TJP2: variants seen among roughly 807,000 people sequenced by gnomAD.
TJP2 encodes Friedreich ataxia region gene X104 (tight junction protein ZO-2).
In TJP2, 91 loss-of-function variants were observed where a neutral mutation model predicts 133.1. That is an observed-to-expected ratio of 0.68 (90% CI 0.58 to 0.81). TJP2 has a LOEUF of 0.81. Ranked by LOEUF, TJP2 falls within the 40% of genes least tolerant of loss-of-function variation. TJP2 has a pLI of 0.00. For synonymous variants in TJP2, 592 were observed against 583.4 expected (o/e 1.01, Z -0.21); for missense variants, 1,541 against 1,565.6 (o/e 0.98, Z 0.26).
intron 1 of TJP2, among the ~76,000 whole-genome samples, chr9:69,134,947 GGA>G (rs148798484): frequency 0.019 from 2,845 of 148,320 alleles, 94 homozygotes; most frequent in African/African-American, 0.066. Context: ...AGAGAGAAGA[GGA>G]GAGAGAGAGA....
intron 17 of TJP2, among the ~76,000 whole-genome samples, chr9:69,244,405 G>A (rs1180999087): frequency 1.3e-5 from 2 of 152,022 alleles, no homozygotes. Flanking sequence ...AAACCTCCTT[G>A]GCTGGGGAGG....
At chr9:69,204,738 T>G in intron 1 of TJP2, 1 of 656,114 alleles carries the variant, frequency 1.5e-6, no homozygotes, top group Non-Finnish European at 1.9e-6. Context: ...CTAGCTGGCG[T>G]GTGTGTGTGT....
At chr9:69,133,078 C>CA (rs1447255131) in intron 1 of TJP2, among the ~76,000 whole-genome samples, 2 of 152,216 alleles carry the variant, frequency 1.3e-5, no homozygotes, top group African/African-American at 4.8e-5. Context: ...CCTCCTACCT[C>CA]AGCCTCCCAA....
chr9:69,121,421 C>A, upstream of TJP2: 1 of 870,788 alleles, frequency 1.1e-6, no homozygotes, highest in Non-Finnish European at 1.4e-6. Context: ...TGGCTCGCCA[C>A]CGCCCAACTC....
chr9:69,248,456 A>T, intron 19 of TJP2: 22 of 1,378,758 alleles, frequency 1.6e-5, no homozygotes, highest in Non-Finnish European at 2.0e-5. Context: ...CCGCACACCC[A>T]TGCCCTCAGG....
chr9:69,174,396 GT>G lies in TJP2; in HGVS notation c.27del (p.Pro10HisfsTer18), dbSNP rs1294085720. The G allele has an allele frequency of 6.4e-7, 1 of 1,552,014 alleles. No individual in the cohort carries two copies. The highest frequency in any genetic ancestry group is 8.7e-7 in the Non-Finnish European group (1 of 1,147,184). ...AAATGCCGGTGCGAGGAGACCGCGG[GT>G]TTCCACCCCGGCGGGAGCTGTCAGG... Reference protein sequence around the residue: MPVRGDRGFPPRRELSGWL... With the variant: MPVRGDRGXPPRRELSGWL... On this transcript the variant is annotated frameshift_variant, in exon 1 of 23. Coordinates refer to ENST00000377245, the MANE Select transcript of TJP2 (RefSeq NM_004817.4). LOFTEE classifies it high-confidence loss of function.
chr9:69,248,428 G>T, intron 19 of TJP2: 1 of 1,426,186 alleles, frequency 7.0e-7, no homozygotes, highest in Non-Finnish European at 9.2e-7. Context: ...CTTCAGAAGA[G>T]CTTGAGGGGT....
intron 2 of TJP2, among the ~76,000 whole-genome samples, chr9:69,213,396 GT>G (rs1828095620): frequency 6.6e-6 from 1 of 152,038 alleles, no homozygotes; most frequent in Non-Finnish European, 1.5e-5. Context: ...CTGCCTTCCG[GT>G]CATCATCACT....
In TJP2 at chr9:69,123,348, C is replaced by G. The variant is rs1587862321; in HGVS notation, c.-131+1623C>G. Reference sequence around the variant, plus strand: ...GTATTTTAGCCGTTTAAAAATGGACCCTTAATTCAATATTGTGCCACCATC... The same window carrying G: ...GTATTTTAGCCGTTTAAAAATGGACGCTTAATTCAATATTGTGCCACCATC... On this transcript the variant is annotated intron_variant, in intron 1 of 5. Transcript: ENST00000423935. Among the ~76,000 whole-genome samples the G allele has an allele frequency of 9.2e-5, 7 of 75,744 alleles. 3 individuals carry two copies. The South Asian group carries it at 1.8e-3, about 20-fold the overall frequency. 49.7% of individuals were successfully genotyped at this position (75,744 alleles called of 152,430 possible).
In TJP2 at chr9:69,152,817, C is replaced by CTTTTTTTTTTT. The variant is rs10543289; in HGVS notation, c.-10+1067_-10+1077dup. Among the ~76,000 whole-genome samples the CTTTTTTTTTTT allele has an allele frequency of 6.5e-4, 31 of 48,030 alleles. 7 individuals carry two copies. Among genetic ancestry groups the CTTTTTTTTTTT allele is most frequent in the East Asian group, 1.7e-3 (2 of 1,200 alleles). The allele number at this position is 48,030 out of a possible 152,430, so 31.5% of individuals were successfully genotyped here. ...TTACTGAAATGTTCTCTCTGGAGCTCTTTTTTTTTTTTTTTTTTTTTTTTT... is the reference window on the plus strand; with the variant it reads ...TTACTGAAATGTTCTCTCTGGAGCTCTTTTTTTTTTTTTTTTTTTTTTTTTTTTTTTTTTTT... On this transcript the variant is annotated intron_variant, in intron 2 of 5. Coordinates refer to the TJP2 transcript ENST00000423935.
chr9:69,148,640 G>C (rs1055060363), intron 1 of TJP2, among the ~76,000 whole-genome samples: 3 of 151,870 alleles, frequency 2.0e-5, no homozygotes, highest in African/African-American at 7.3e-5. Flanking sequence ...AAAGTGCTGG[G>C]ATTATAGGCA....
chr9:69,148,373 CT>C (rs780212434), intron 1 of TJP2, among the ~76,000 whole-genome samples: 441 of 130,894 alleles, frequency 3.4e-3, no homozygotes, highest in African/African-American at 7.3e-3. Flanking sequence ...CTCTGTAATA[CT>C]TTTTTTTTTT....
intron 16 of TJP2, among the ~76,000 whole-genome samples, 157 bp from the exon 17 acceptor site, chr9:69,239,780 C>T (rs1830457943): frequency 6.6e-6 from 1 of 152,116 alleles, no homozygotes; most frequent in Non-Finnish European, 1.5e-5. Flanking sequence ...TGCCACTGCA[C>T]TCCAGCCTGG....
intron 22 of TJP2, 131 bp downstream of exon 22, chr9:69,253,031 T>A: frequency 1.3e-6 from 1 of 777,446 alleles, no homozygotes; most frequent in Non-Finnish European, 2.1e-6. Flanking sequence ...ACTGTTTGCC[T>A]TACTCATTCC....
chr9:69,153,561 C>T (rs768550595), intron 2 of TJP2, among the ~76,000 whole-genome samples: 4 of 151,984 alleles, frequency 2.6e-5, no homozygotes, highest in Admixed American at 6.6e-5. Flanking sequence ...TCCAGCCTTG[C>T]GATACAGAGA....
In TJP2 at chr9:69,150,405, T is replaced by A. The variant is rs181121745; in HGVS notation, c.-130-1246T>A. 4.0e-3 allele frequency among the ~76,000 whole-genome samples: 604 copies of A among 151,460 alleles called. 3 individuals are homozygous for A. Among genetic ancestry groups the A allele is most frequent in the African/African-American group, 0.014 (573 of 41,290 alleles). On this transcript the variant is annotated intron_variant, in intron 1 of 5. Coordinates refer to the TJP2 transcript ENST00000423935. ...GCCTCCTGGGTTCCAGTGATTCTCC[T>A]GCCTCAGCCTCCTGAGTAGCTGGGA...
chr9:69,248,395 G>A, intron 19 of TJP2, 171 bp downstream of exon 19: 1 of 1,433,596 alleles, frequency 7.0e-7, no homozygotes, highest in Non-Finnish European at 9.2e-7. Context: ...GCAGTCTGTG[G>A]GAAAGTGGGG....
chr9:69,175,853 AGCTACT>A (rs1825045225), intron 1 of TJP2, among the ~76,000 whole-genome samples: 2 of 152,000 alleles, frequency 1.3e-5, no homozygotes, highest in Admixed American at 1.3e-4. Flanking sequence ...TTCTTTTCAG[AGCTACT>A]TATGCAGATT....
intron 1 of TJP2, among the ~76,000 whole-genome samples, chr9:69,179,357 C>T (rs7023961): frequency 0.016 from 2,462 of 152,240 alleles, 56 homozygotes; most frequent in African/African-American, 0.056. Flanking sequence ...AGACCATAGT[C>T]AGATACATTT....
Sources: gnomAD v4.1 joint callset for allele counts (sites outside exome capture counted in the v4.1 genomes callset) on GRCh38, gnomAD v4.1.1 for gene constraint, MANE v1.5 for transcripts, NCBI Gene and HGNC (gene_info 2026-07-23, HGNC 2026-07-21) for gene names.